SNRPB2: variants seen among roughly 807,000 people sequenced by gnomAD.
The protein encoded by SNRPB2 is U2 small nuclear ribonucleoprotein B''.
Under a neutral mutation model 26.3 loss-of-function variants are expected in SNRPB2, and 16 were observed. The observed-to-expected ratio is 0.61, with a 90% CI of 0.41 to 0.92. The LOEUF (loss-of-function observed/expected upper bound fraction) is 0.92. Ranked by LOEUF, SNRPB2 falls within the 40% of genes least tolerant of loss-of-function variation. The pLI, the probability that SNRPB2 is intolerant of heterozygous loss-of-function variation, is 0.00. For missense variants in SNRPB2, 179 were observed against 268.1 expected (o/e 0.67, Z 2.32); for synonymous variants, 75 against 89.0 (o/e 0.84, Z 0.88).
rs1361206665 is a variant in SNRPB2, at chr20:16,730,044, A to C, written c.-156A>C. 1 of 152,412 alleles carries C rather than the reference A, an allele frequency of 6.6e-6. No homozygotes were observed. Among genetic ancestry groups the C allele is most frequent in the Non-Finnish European group, 1.5e-5 (1 of 68,204 alleles). 9.4% of individuals were successfully genotyped at this position (152,412 alleles called of 1,614,324 possible). A position where few individuals can be genotyped will look rare whatever the true frequency, so the allele number is the denominator to read the frequency against. The stretch of plus-strand genomic sequence containing the variant: ...TCCGTTTCCTGCTTTTGGTTCTTAC[A>C]GTAGTCGGCGTAGGCCTTAGGTGGG... On this transcript the variant is annotated 5_prime_UTR_variant, in exon 1 of 7. Transcript: ENST00000246071.
At chr20:16,734,055 A>G (rs975155591) in intron 3 of SNRPB2, among the ~76,000 whole-genome samples, 2 of 152,148 alleles carry the variant, frequency 1.3e-5, no homozygotes, top group South Asian at 2.1e-4. Context: ...GTTTCTTCCC[A>G]TAGAGGGTTT....
In SNRPB2 at chr20:16,742,031, G is replaced by A. The variant is rs2072466022; in HGVS notation, c.*1026G>A. 6.6e-6 allele frequency: 1 copy of A among 151,354 alleles called. No individual in the cohort carries two copies. Among genetic ancestry groups the A allele is most frequent in the Non-Finnish European group, 1.5e-5 (1 of 67,966 alleles). 9.4% of individuals were successfully genotyped at this position (151,354 alleles called of 1,614,324 possible). A position where few individuals can be genotyped will look rare whatever the true frequency, so the allele number is the denominator to read the frequency against. On this transcript the variant is annotated 3_prime_UTR_variant, in exon 7 of 7. Transcript: ENST00000246071. ...CCTTGAACAAAACCTTTATCACTTG[G>A]AATTTTTATTGTCTACTTATGGAAA...
intron 3 of SNRPB2, among the ~76,000 whole-genome samples, chr20:16,734,390 A>C (rs1018196666): frequency 2.0e-5 from 3 of 152,168 alleles, no homozygotes; most frequent in Admixed American, 1.3e-4. Context: ...GAAATGAACA[A>C]AATTTGCTAT....
In SNRPB2 at chr20:16,738,870, A is replaced by G; in HGVS notation, c.397A>G (p.Asn133Asp). 1 of 1,605,510 alleles carries G rather than the reference A, an allele frequency of 6.2e-7. No homozygotes were observed. Among genetic ancestry groups the G allele is most frequent in the Non-Finnish European group, 8.5e-7 (1 of 1,172,284 alleles). ...KPGQGTPNSANTQGNSTPNPQ... is the reference protein window; with the variant it reads ...KPGQGTPNSADTQGNSTPNPQ... ...TGCTTAGGGAACTCCAAATTCAGCT[A>G]ATACCCAAGGAAATTCAACACCAAA... Residue 133 changes from asparagine (N) to aspartate (D), a missense_variant, in exon 5 of 7, where the codon AAT becomes GAT. Transcript: ENST00000246071.
At chr20:16,737,926 C>T (rs1282264440) in intron 4 of SNRPB2, among the ~76,000 whole-genome samples, 2 of 151,364 alleles carry the variant, frequency 1.3e-5, no homozygotes, top group Non-Finnish European at 2.9e-5. Flanking sequence ...GTAGTCCCAG[C>T]TACTCTGGGG....
In SNRPB2 at chr20:16,732,305, T is replaced by C; in HGVS notation, c.206T>C (p.Leu69Pro). Residue 69 changes from leucine to proline, a missense_variant, in exon 3 of 7, where the codon CTA becomes CCA. Coordinates refer to ENST00000246071, the MANE Select transcript of SNRPB2 (RefSeq NM_003092.5). ...LGSSTNALRQ[L>P]QGFPFYGKPM... ...TCATCCACAAATGCCTTGAGACAGC[T>C]ACAAGGATTTCCATTTTATGGTAAA... 1 of 1,587,172 alleles carries C rather than the reference T, an allele frequency of 6.3e-7. No individual in the cohort carries two copies. The highest frequency in any genetic ancestry group is 8.5e-7 in the Non-Finnish European group (1 of 1,169,692).
At chr20:16,740,503 A>G in intron 6 of SNRPB2, 90 bp downstream of exon 6, 1 of 1,544,324 alleles carries the variant, frequency 6.5e-7, no homozygotes, top group Non-Finnish European at 8.7e-7. Flanking sequence ...ATCACACAGC[A>G]GTAATTCCTT....
chr20:16,736,683 G>A (rs1233432417), intron 3 of SNRPB2, among the ~76,000 whole-genome samples: 1 of 152,082 alleles, frequency 6.6e-6, no homozygotes, highest in Non-Finnish European at 1.5e-5. Flanking sequence ...CCCTCAAATT[G>A]CATCCCTAGG....
intron 3 of SNRPB2, among the ~76,000 whole-genome samples, chr20:16,735,698 C>T (rs1434324794): frequency 1.3e-5 from 2 of 152,206 alleles, no homozygotes; most frequent in African/African-American, 4.8e-5. Context: ...TGAACCCTTC[C>T]CTGTTGTAAC....
In SNRPB2 at chr20:16,733,706, C is replaced by T. The variant is rs6034588; in HGVS notation, c.237+1370C>T. Among the ~76,000 whole-genome samples the T allele has an allele frequency of 4.2e-3, 642 of 152,326 alleles. 6 individuals are homozygous for T. The highest frequency in any genetic ancestry group is 0.014 in the African/African-American group (588 of 41,580). Reference sequence around the variant, plus strand: ...AGATGAGAACAGGCAGTGTTGGCTACAGACAGTAGTTTGAGGACCCCTGTT... The same window carrying T: ...AGATGAGAACAGGCAGTGTTGGCTATAGACAGTAGTTTGAGGACCCCTGTT... On this transcript the variant is annotated intron_variant, in intron 3 of 6. Transcript: ENST00000246071.
chr20:16,739,753 GGATATCAAATGA>G (rs2072451289), intron 5 of SNRPB2, among the ~76,000 whole-genome samples: 1 of 151,832 alleles, frequency 6.6e-6, no homozygotes, highest in Non-Finnish European at 1.5e-5. Flanking sequence ...CCTCTGGGTG[GGATATCAAATGA>G]GTAATATCTA....
In SNRPB2 at chr20:16,740,842, A is replaced by T. The variant is rs891306882; in HGVS notation, c.519-4A>T. On this transcript the variant is annotated splice_polypyrimidine_tract_variant and splice_region_variant and intron_variant, in intron 6 of 6. Coordinates refer to ENST00000246071, the MANE Select transcript of SNRPB2 (RefSeq NM_003092.5). ...TATACATGAATTGTTTTTCTTCTTT[A>T]TAGGTTCCCTGGCTTCAAGGAAGTA... The T allele has an allele frequency of 6.2e-7, 1 of 1,605,008 alleles. No individual in the cohort carries two copies. Among genetic ancestry groups the T allele is most frequent in the East Asian group, 2.2e-5 (1 of 44,808 alleles).
In SNRPB2 at chr20:16,740,998, AGAAATAACATTTGG is replaced by A. The variant is rs1455147238; in HGVS notation, c.674_*9del. On this transcript the variant is annotated stop_lost and 3_prime_UTR_variant, in exon 7 of 7. Transcript: ENST00000246071. ...CATGCTATGAAGATCACCTATGCCA[AGAAATAACATTTGG>A]GATAGTCGTCTTTAAAAGACTTGGT... The A allele has an allele frequency of 6.2e-7, 1 of 1,606,690 alleles. No homozygotes were observed. Among genetic ancestry groups the A allele is most frequent in the Non-Finnish European group, 8.5e-7 (1 of 1,175,006 alleles).
rs750759759 is a variant in SNRPB2 at position 16,738,943 on chromosome 20, T to G, written c.429+41T>G. On this transcript the variant is annotated intron_variant, in intron 5 of 6. Coordinates refer to ENST00000246071, the MANE Select transcript of SNRPB2 (RefSeq NM_003092.5). ...TGTCGTGCTTACCTTAAAATAAGAT[T>G]GTAAAAATTACAGCAGTGGTATAAA... The G allele has an allele frequency of 3.7e-5, 51 of 1,368,478 alleles. No homozygotes were observed. The East Asian group carries it at 1.1e-3, about 30-fold the overall frequency. 84.8% of individuals were successfully genotyped at this position (1,368,478 alleles called of 1,614,324 possible).
chr20:16,738,928 A>G, intron 5 of SNRPB2, 26 bp downstream of exon 5: 1 of 1,497,822 alleles, frequency 6.7e-7, no homozygotes, highest in Non-Finnish European at 9.3e-7. Context: ...TGTCGTGCTT[A>G]CCTTAAAATA....
intron 5 of SNRPB2, among the ~76,000 whole-genome samples, chr20:16,739,589 T>A (rs146633144): frequency 1.3e-5 from 2 of 152,258 alleles, no homozygotes; most frequent in African/African-American, 4.8e-5. Context: ...TCCTCAGCAT[T>A]TATAGTCCAG....
In SNRPB2 at chr20:16,740,340, C is replaced by G; in HGVS notation, c.445C>G (p.Pro149Ala). Residue 149 changes from proline to alanine, a missense_variant, in exon 6 of 7, where the codon CCA becomes GCA. This residue lies in a region of SNRPB2 where 145 missense variants were observed against 180.7 expected (regional missense o/e 0.80). Coordinates refer to ENST00000246071, the MANE Select transcript of SNRPB2 (RefSeq NM_003092.5). The stretch of plus-strand genomic sequence containing the variant: ...TTTTTAATAGGTCCCTGATTACCCT[C>G]CAAACTATATTTTATTCCTTAATAA... Reference protein sequence around the residue: ...TPNPQVPDYPPNYILFLNNLP... With the variant: ...TPNPQVPDYPANYILFLNNLP... The G allele has an allele frequency of 6.2e-7, 1 of 1,611,076 alleles. No homozygotes were observed. The highest frequency in any genetic ancestry group is 8.5e-7 in the Non-Finnish European group (1 of 1,178,816).
At position 16,737,385 on chromosome 20, in the gene SNRPB2, A is replaced by G; in HGVS notation, c.362A>G (p.Asn121Ser). The G allele has an allele frequency of 6.3e-7, 1 of 1,585,658 alleles. No individual in the cohort carries two copies. The highest frequency in any genetic ancestry group is 8.5e-7 in the Non-Finnish European group (1 of 1,173,142). Residue 121 changes from asparagine to serine, a missense_variant, in exon 4 of 7, where the codon AAC becomes AGC. Physicochemically the swap from Asn to Ser is conservative, Grantham distance 46. Around this residue, in one of 2 missense-constraint regions of SNRPB2, gnomAD observed 145 missense variants for 180.7 expected, o/e 0.80. Transcript: ENST00000246071. ...GTGGAACAGACTGCAACAACCACAA[A>G]CAAAAAGCCTGGCCAGGTAAGAAAG... ...KTVEQTATTT[N>S]KKPGQGTPNS... is the part of the protein sequence containing the mutation.
intron 6 of SNRPB2, 152 bp downstream of exon 6, chr20:16,740,565 C>G: frequency 7.4e-7 from 1 of 1,344,932 alleles, no homozygotes; most frequent in South Asian, 1.6e-5. Context: ...GCCAATTTGC[C>G]GATTTAGCAA....
Sources: allele counts gnomAD v4.1 joint callset (sites outside exome capture counted in the v4.1 genomes callset), GRCh38; gene constraint gnomAD v4.1.1; regional missense constraint gnomAD v4.1.1; transcripts MANE v1.5; gene names NCBI Gene and HGNC (gene_info 2026-07-23, HGNC 2026-07-21).